The following KIAA0825 variants were observed in gnomAD, a reference collection of about 807,000 sequenced individuals.
KIAA0825 encodes KIAA0825.
KIAA0825 carries 119 observed loss-of-function variants against 147.6 expected under a neutral mutation model. The ratio of observed to expected loss-of-function variants is 0.81; its 90% confidence interval spans 0.69 to 0.94. KIAA0825 has a LOEUF of 0.94. KIAA0825 is among the 40% of genes least tolerant of loss of function. The pLI is 0.00. For missense variants in KIAA0825, 1,381 were observed against 1,472.7 expected (o/e 0.94, Z 1.02); for synonymous variants, 470 against 518.1 (o/e 0.91, Z 1.26).
At chr5:94,173,172 T>C (rs1241893741) in intron 20 of KIAA0825, among the ~76,000 whole-genome samples, 1 of 147,290 alleles carries the variant, frequency 6.8e-6, no homozygotes. Context: ...CATAGGAAAC[T>C]AGGGAGTGAG....
intron 20 of KIAA0825, among the ~76,000 whole-genome samples, chr5:94,155,634 A>G (rs759401502): frequency 6.6e-6 from 1 of 152,136 alleles, no homozygotes. Flanking sequence ...AAGAAAGAGG[A>G]TTATCTGAAA....
intron 13 of KIAA0825, among the ~76,000 whole-genome samples, chr5:94,442,599 C>A (rs1437335488): frequency 6.6e-6 from 1 of 152,170 alleles, no homozygotes. Context: ...CAGATCCTTA[C>A]AATGGTTGCC....
intron 20 of KIAA0825, among the ~76,000 whole-genome samples, chr5:94,158,244 C>G (rs571603887): frequency 6.6e-6 from 1 of 152,200 alleles, no homozygotes; most frequent in East Asian, 1.9e-4. Context: ...TGATCTCACT[C>G]AATAATGTCA....
intron 20 of KIAA0825, among the ~76,000 whole-genome samples, chr5:94,311,729 T>C (rs1265806743): frequency 1.3e-5 from 2 of 151,702 alleles, no homozygotes; most frequent in African/African-American, 4.8e-5. Flanking sequence ...CATGATGCTC[T>C]CCTTACGAGC....
chr5:94,222,051 G>A (rs1395853289), intron 20 of KIAA0825, among the ~76,000 whole-genome samples: 2 of 151,938 alleles, frequency 1.3e-5, no homozygotes, highest in Non-Finnish European at 2.9e-5. Context: ...ATCTCTCAGG[G>A]CACCCCTTGG....
In KIAA0825 at chr5:94,153,182, A is replaced by C. The variant is rs1264759821; in HGVS notation, c.*825T>G. 1 of 151,584 alleles carries C rather than the reference A, an allele frequency of 6.6e-6. No individual in the cohort carries two copies. Among genetic ancestry groups the C allele is most frequent in the African/African-American group, 2.4e-5 (1 of 41,290 alleles). 9.4% of individuals were successfully genotyped at this position (151,584 alleles called of 1,614,324 possible). ...GTACTAGAGCATGTTCTGTTTTCTT[A>C]TTTTGTGTGTGTGTATCAATACAAT... On this transcript the variant is annotated 3_prime_UTR_variant, in exon 21 of 21. Coordinates refer to ENST00000682413, the MANE Select transcript of KIAA0825 (RefSeq NM_001145678.3).
intron 1 of KIAA0825, among the ~76,000 whole-genome samples, chr5:94,608,499 ATATATATATT>A: frequency 2.4e-5 from 1 of 41,034 alleles, no homozygotes; most frequent in African/African-American, 1.2e-4. Flanking sequence ...ATAATTATAT[ATATATATATT>A]TTTTTTTAGA....
chr5:94,270,688 A>G (rs918169845), intron 20 of KIAA0825, among the ~76,000 whole-genome samples: 1 of 152,128 alleles, frequency 6.6e-6, no homozygotes, highest in Non-Finnish European at 1.5e-5. Flanking sequence ...GAAGGGGGGA[A>G]TTTCTTATAA....
intron 20 of KIAA0825, among the ~76,000 whole-genome samples, chr5:94,176,276 A>G (rs59472588): frequency 0.12 from 18,607 of 152,162 alleles, 1,287 homozygotes; most frequent in African/African-American, 0.17. Flanking sequence ...CTCTCTCACC[A>G]TGTGATCTCT....
At chr5:94,562,238 A>G (rs943066848) in intron 2 of KIAA0825, among the ~76,000 whole-genome samples, 4 of 152,366 alleles carry the variant, frequency 2.6e-5, no homozygotes, top group African/African-American at 9.6e-5. Context: ...GTTCAATAGA[A>G]GTATAATTTG....
chr5:94,364,587 T>C (rs1219470333), intron 20 of KIAA0825, among the ~76,000 whole-genome samples: 1 of 152,046 alleles, frequency 6.6e-6, no homozygotes, highest in East Asian at 1.9e-4. Flanking sequence ...TTTCACTGTG[T>C]TAGCCAGGAT....
At chr5:94,492,889 C>T (rs1763895913) in intron 5 of KIAA0825, among the ~76,000 whole-genome samples, 1 of 152,174 alleles carries the variant, frequency 6.6e-6, no homozygotes, top group Admixed American at 6.5e-5. Flanking sequence ...GGTTAACATT[C>T]ATGAAGTTGA....
At chr5:94,248,722 C>T (rs960082760) in intron 20 of KIAA0825, among the ~76,000 whole-genome samples, 1 of 152,122 alleles carries the variant, frequency 6.6e-6, no homozygotes, top group African/African-American at 2.4e-5. Context: ...GAAACCAACC[C>T]ATCAGCATGA....
chr5:94,511,231 G>A (rs996059754), intron 5 of KIAA0825, among the ~76,000 whole-genome samples: 2 of 152,132 alleles, frequency 1.3e-5, no homozygotes, highest in African/African-American at 2.4e-5. Context: ...ATAAATGTTC[G>A]TTGTTATATT....
chr5:94,486,483 T>G (rs1310869462), intron 5 of KIAA0825, among the ~76,000 whole-genome samples: 1 of 152,082 alleles, frequency 6.6e-6, no homozygotes, highest in Non-Finnish European at 1.5e-5. Context: ...GCAGGTACTA[T>G]GAGAAAGAGC....
chr5:94,510,182 T>C (rs758548572), intron 5 of KIAA0825, among the ~76,000 whole-genome samples: 3 of 152,208 alleles, frequency 2.0e-5, no homozygotes, highest in Non-Finnish European at 4.4e-5. Context: ...ACTTAATTTC[T>C]ACCTTGAAGG....
At chr5:94,461,744 T>C (rs1248907927) in intron 12 of KIAA0825, among the ~76,000 whole-genome samples, 1 of 151,930 alleles carries the variant, frequency 6.6e-6, no homozygotes, top group Non-Finnish European at 1.5e-5. Flanking sequence ...AAATTTTTAC[T>C]ACCCATGAAG....
chr5:94,349,619 C>T (rs1584211230), intron 20 of KIAA0825, among the ~76,000 whole-genome samples: 1 of 152,148 alleles, frequency 6.6e-6, no homozygotes, highest in African/African-American at 2.4e-5. Context: ...TGGAAATCAA[C>T]TCCAAAAGGA....
At chr5:94,595,575 C>T (rs941221139) in intron 1 of KIAA0825, among the ~76,000 whole-genome samples, 1 of 152,188 alleles carries the variant, frequency 6.6e-6, no homozygotes, top group Non-Finnish European at 1.5e-5. Flanking sequence ...GACATTTCCC[C>T]ATTATCTTGT....
Sources: allele counts gnomAD v4.1 joint callset (sites outside exome capture counted in the v4.1 genomes callset), GRCh38; gene constraint gnomAD v4.1.1; transcripts MANE v1.5; gene names NCBI Gene and HGNC (gene_info 2026-07-23, HGNC 2026-07-21).